The following SEMA6D variants were observed in gnomAD, a reference collection of about 807,000 sequenced individuals.
SEMA6D encodes semaphorin 6D, also known as semaphorin-6D.
SEMA6D carries 35 observed loss-of-function variants against 106.6 expected under a neutral mutation model. That is an observed-to-expected ratio of 0.33 (90% CI 0.25 to 0.44). The LOEUF is 0.44. Among genes scored for constraint, SEMA6D ranks in the 20% least tolerant of loss-of-function variants. SEMA6D has a pLI of 1.00. For synonymous variants in SEMA6D, 499 were observed against 487.7 expected (o/e 1.02, Z -0.31); for missense variants, 1,185 against 1,345.9 (o/e 0.88, Z 1.87).
At chr15:47,676,703 T>C (rs1234179360) in intron 4 of SEMA6D, among the ~76,000 whole-genome samples, 1 of 152,156 alleles carries the variant, frequency 6.6e-6, no homozygotes, top group African/African-American at 2.4e-5. Context: ...CAGGCTAGGG[T>C]ACTGTTCAAG....
chr15:47,459,362 A>G (rs2042433039), intron 2 of SEMA6D, among the ~76,000 whole-genome samples: 1 of 152,098 alleles, frequency 6.6e-6, no homozygotes, highest in Non-Finnish European at 1.5e-5. Context: ...TCTGGGCATC[A>G]GATTCTTCCC....
At position 47,577,960 on chromosome 15, in the gene SEMA6D, A is replaced by G. The variant is rs183975851; in HGVS notation, c.-86-22905A>G. Among the ~76,000 whole-genome samples, 59 of 152,386 alleles carry G rather than the reference A, an allele frequency of 3.9e-4. 3 individuals carry two copies. The highest frequency in any genetic ancestry group is 1.2e-3 in the African/African-American group (50 of 41,598). On this transcript the variant is annotated intron_variant, in intron 3 of 19. Transcript: ENST00000558014. Reference sequence around the variant, plus strand: ...ATTAAAATATAGTATTCTCATGTTTATTACACCAATAATAGCTTAATTTGT... The same window carrying G: ...ATTAAAATATAGTATTCTCATGTTTGTTACACCAATAATAGCTTAATTTGT...
At chr15:47,460,211 A>T (rs1596052706) in intron 2 of SEMA6D, among the ~76,000 whole-genome samples, 2 of 152,204 alleles carry the variant, frequency 1.3e-5, no homozygotes, top group South Asian at 2.1e-4. Flanking sequence ...AATTATTTAG[A>T]ATCTAATTTT....
At chr15:47,237,137 A>G (rs988764352) in intron 1 of SEMA6D, among the ~76,000 whole-genome samples, 2 of 152,156 alleles carry the variant, frequency 1.3e-5, no homozygotes, top group East Asian at 3.9e-4. Context: ...GTTGAACTAG[A>G]AATAAGTCTA....
At chr15:47,428,902 A>G (rs2140508846) in intron 2 of SEMA6D, among the ~76,000 whole-genome samples, 1 of 152,044 alleles carries the variant, frequency 6.6e-6, no homozygotes, top group East Asian at 1.9e-4. Context: ...TAGAAAAGAA[A>G]AGAAGTGGAA....
chr15:47,284,363 T>A (rs2035264990), intron 1 of SEMA6D, among the ~76,000 whole-genome samples: 1 of 152,340 alleles, frequency 6.6e-6, no homozygotes, highest in South Asian at 2.1e-4. Context: ...AATCTGCAGT[T>A]GTGGTCATAT....
At chr15:47,193,851 A>G (rs185614652) in intron 1 of SEMA6D, among the ~76,000 whole-genome samples, 10 of 151,196 alleles carry the variant, frequency 6.6e-5, no homozygotes, top group Admixed American at 3.3e-4. Flanking sequence ...CTTTTTATTC[A>G]CTCTTTATTC....
chr15:47,383,615 C>A (rs1018843447), intron 1 of SEMA6D, among the ~76,000 whole-genome samples: 1 of 149,040 alleles, frequency 6.7e-6, no homozygotes, highest in African/African-American at 2.5e-5. Flanking sequence ...AGGCAATGAG[C>A]TATATGCTTT....
intron 1 of SEMA6D, among the ~76,000 whole-genome samples, chr15:47,248,101 A>G (rs1422131803): frequency 6.6e-6 from 1 of 152,246 alleles, no homozygotes; most frequent in Non-Finnish European, 1.5e-5. Context: ...CTGAAGCATC[A>G]TTACCTAAAC....
chr15:47,324,282 C>T (rs2037040100), intron 1 of SEMA6D, among the ~76,000 whole-genome samples: 1 of 152,086 alleles, frequency 6.6e-6, no homozygotes, highest in Admixed American at 6.6e-5. Context: ...TTCTTTTTTA[C>T]AACTATGGAC....
At chr15:47,470,202 C>T (rs2042792133) in intron 2 of SEMA6D, among the ~76,000 whole-genome samples, 2 of 152,098 alleles carry the variant, frequency 1.3e-5, no homozygotes, top group African/African-American at 4.8e-5. Flanking sequence ...TTACTTTATT[C>T]CATGTCCTTG....
chr15:47,730,730 G>A (rs2080066207), intron 1 of SEMA6D: 3 of 1,604,160 alleles, frequency 1.9e-6, no homozygotes, highest in Admixed American at 1.7e-5. Flanking sequence ...CGCTTATAGA[G>A]TATAGCTCTC....
intron 1 of SEMA6D, among the ~76,000 whole-genome samples, chr15:47,234,620 T>G (rs1221562892): frequency 6.6e-6 from 1 of 152,100 alleles, no homozygotes; most frequent in Non-Finnish European, 1.5e-5. Context: ...ATTCCTGAAT[T>G]ACTTCACTTG....
intron 1 of SEMA6D, among the ~76,000 whole-genome samples, chr15:47,195,635 C>CA (rs1438083962): frequency 6.6e-6 from 1 of 152,134 alleles, no homozygotes; most frequent in East Asian, 1.9e-4. Flanking sequence ...GGATCACTCT[C>CA]ACGGGAGACT....
At chr15:47,533,225 G>C (rs1416786364) in intron 3 of SEMA6D, among the ~76,000 whole-genome samples, 1 of 152,108 alleles carries the variant, frequency 6.6e-6, no homozygotes, top group African/African-American at 2.4e-5. Flanking sequence ...TTACTTGGGT[G>C]AAAATTTTCA....
chr15:47,766,954 C>A (rs1296457408), intron 16 of SEMA6D, 83 bp from the exon 17 acceptor site: 17 of 665,898 alleles, frequency 2.6e-5, no homozygotes, highest in South Asian at 4.9e-5. Flanking sequence ...TTTTTTTTTA[C>A]TTTTTTAGTT....
intron 3 of SEMA6D, among the ~76,000 whole-genome samples, chr15:47,593,404 T>C: frequency 1.0e-4 from 2 of 19,794 alleles, no homozygotes; most frequent in South Asian, 3.4e-3. Flanking sequence ...AAACTCCGTC[T>C]CAAAAAAAAA....
chr15:47,419,166 T>C (rs1185556060), intron 2 of SEMA6D, among the ~76,000 whole-genome samples: 8 of 151,966 alleles, frequency 5.3e-5, no homozygotes, highest in Non-Finnish European at 2.9e-5. Flanking sequence ...TTAGAAGGAG[T>C]GATCAGGAAA....
chr15:47,576,829 C>T (rs1246296548), intron 3 of SEMA6D, among the ~76,000 whole-genome samples: 1 of 152,188 alleles, frequency 6.6e-6, no homozygotes, highest in Non-Finnish European at 1.5e-5. Context: ...CTATCCAGAA[C>T]AAAATGAGCC....
Sources: allele counts gnomAD v4.1 joint callset (sites outside exome capture counted in the v4.1 genomes callset), GRCh38; gene constraint gnomAD v4.1.1; transcripts MANE v1.5; gene names NCBI Gene and HGNC (gene_info 2026-07-23, HGNC 2026-07-21).